Variants in DGKB observed in about 807,000 individuals in gnomAD.
DGKB encodes the protein diacylglycerol kinase beta.
Under a neutral mutation model 114.3 loss-of-function variants are expected in DGKB, and 67 were observed. The ratio of observed to expected loss-of-function variants is 0.59; its 90% CI spans 0.48 to 0.72. The LOEUF is 0.72. DGKB is among the 30% of genes least tolerant of loss of function. The pLI, the probability that DGKB is intolerant of heterozygous loss-of-function variation, is 0.00. For missense variants in DGKB, 907 were observed against 975.2 expected, an observed-to-expected ratio of 0.93 and a Z score of 0.93; for synonymous variants, 398 against 323.1, an observed-to-expected ratio of 1.23 and a Z score of -2.49.
At chr7:14,896,991 C>T (rs1782204416) in intron 1 of DGKB, among the ~76,000 whole-genome samples, 1 of 151,810 alleles carries the variant, frequency 6.6e-6, no homozygotes, top group Non-Finnish European at 1.5e-5. Context: ...CCAGCTGCCT[C>T]ACTGGGGGAA....
At chr7:14,905,396 A>G (rs1411951680), upstream of DGKB, among the ~76,000 whole-genome samples, 2 of 152,106 alleles carry the variant, frequency 1.3e-5, no homozygotes, top group African/African-American at 2.4e-5. Context: ...TCATAACTCA[A>G]GATTTTCCAT....
chr7:14,780,079 T>C (rs969432221), intron 2 of DGKB, among the ~76,000 whole-genome samples: 2 of 152,230 alleles, frequency 1.3e-5, no homozygotes, highest in Admixed American at 6.5e-5. Context: ...TGATCTATGC[T>C]GATTCTATGT....
At position 14,151,392 on chromosome 7, in the gene DGKB, A is replaced by C. The variant is rs183939247; in HGVS notation, c.2305-2154T>G. Among the ~76,000 whole-genome samples the C allele has an allele frequency of 2.2e-3, 336 of 151,904 alleles. 3 individuals are homozygous for C. The highest frequency in any genetic ancestry group is 7.6e-3 in the African/African-American group (315 of 41,478). On this transcript the variant is annotated intron_variant, in intron 25 of 25. Transcript: ENST00000402815. ...CACATAATTATTATCTATAAGACTTAGCTTCTTCTCTGTGTTTTTTTTTGG... is the reference window on the plus strand; with the variant it reads ...CACATAATTATTATCTATAAGACTTCGCTTCTTCTCTGTGTTTTTTTTTGG...
Position 14,537,923 on chromosome 7 carries a change from A to C in DGKB, c.1770+36289T>G, listed in dbSNP as rs181058147. Among the ~76,000 whole-genome samples the C allele has an allele frequency of 6.1e-3, 928 of 152,176 alleles. 40 individuals carry two copies. Among genetic ancestry groups the C allele is most frequent in the Admixed American group, 0.054 (823 of 15,278 alleles). Reference sequence around the variant, plus strand: ...TGGAGAAACCCCGTCTCTACTAATAATACAAAATTAGCCAGGCGTGGCGGC... The same window carrying C: ...TGGAGAAACCCCGTCTCTACTAATACTACAAAATTAGCCAGGCGTGGCGGC... On this transcript the variant is annotated intron_variant, in intron 20 of 25. Transcript: ENST00000402815.
At chr7:14,538,584 C>CA (rs955400015) in intron 20 of DGKB, among the ~76,000 whole-genome samples, 97 of 148,024 alleles carry the variant, frequency 6.6e-4, no homozygotes, top group South Asian at 1.7e-3. Flanking sequence ...AGAGATTCCT[C>CA]AAAAAAAAAA....
At chr7:14,595,006 C>G (rs900666502) in intron 17 of DGKB, among the ~76,000 whole-genome samples, 9 of 151,984 alleles carry the variant, frequency 5.9e-5, no homozygotes, top group Non-Finnish European at 1.3e-4. Flanking sequence ...ACTGAGAAGG[C>G]AGACAAGAAA....
intron 1 of DGKB, among the ~76,000 whole-genome samples, chr7:14,846,539 C>T (rs180756109): frequency 4.6e-5 from 7 of 152,310 alleles, no homozygotes; most frequent in Middle Eastern, 3.4e-3. Flanking sequence ...TTATAGTCCC[C>T]GCCTCTTCAT....
chr7:14,214,240 A>G (rs1788597085), intron 23 of DGKB, among the ~76,000 whole-genome samples: 1 of 152,102 alleles, frequency 6.6e-6, no homozygotes. Context: ...GCTCGGGATA[A>G]TCTTGTCTCT....
At chr7:14,635,547 G>A (rs1432204150) in intron 13 of DGKB, among the ~76,000 whole-genome samples, 1 of 151,386 alleles carries the variant, frequency 6.6e-6, no homozygotes, top group Non-Finnish European at 1.5e-5. Flanking sequence ...AGAAAGAGGG[G>A]AGCTGATATT....
chr7:14,742,544 G>T (rs1047300159), intron 4 of DGKB, among the ~76,000 whole-genome samples: 3 of 152,074 alleles, frequency 2.0e-5, no homozygotes, highest in Non-Finnish European at 4.4e-5. Flanking sequence ...TACTAGGTTC[G>T]CTAAATGTTT....
chr7:14,876,717 CTGATGCTACATA>C (rs1374555369), intron 1 of DGKB, among the ~76,000 whole-genome samples: 1 of 152,182 alleles, frequency 6.6e-6, no homozygotes, highest in African/African-American at 2.4e-5. Flanking sequence ...ACTCAATCAT[CTGATGCTACATA>C]TTGTCAATCA....
chr7:14,939,290 G>A (rs1446274725), intron 1 of DGKB, among the ~76,000 whole-genome samples: 3 of 152,030 alleles, frequency 2.0e-5, no homozygotes, highest in African/African-American at 4.8e-5. Flanking sequence ...AGAGTCTAGC[G>A]CATGCCAAGC....
intron 20 of DGKB, among the ~76,000 whole-genome samples, chr7:14,509,443 A>G (rs1787638910): frequency 6.6e-6 from 1 of 152,146 alleles, no homozygotes; most frequent in African/African-American, 2.4e-5. Flanking sequence ...GTATAATCAA[A>G]CATCTTGGCT....
At chr7:14,635,947 T>C (rs566377676) in intron 13 of DGKB, among the ~76,000 whole-genome samples, 5 of 151,824 alleles carry the variant, frequency 3.3e-5, no homozygotes, top group Admixed American at 2.0e-4. Flanking sequence ...CTATAGGTAA[T>C]GAAAGTATAT....
intron 21 of DGKB, among the ~76,000 whole-genome samples, chr7:14,440,626 C>T (rs1013230009): frequency 1.3e-5 from 2 of 152,168 alleles, no homozygotes; most frequent in South Asian, 4.1e-4. Context: ...TTTGCTAACA[C>T]AGTCTACTTA....
chr7:14,762,248 T>A (rs958387488), intron 2 of DGKB, among the ~76,000 whole-genome samples: 4 of 152,098 alleles, frequency 2.6e-5, no homozygotes, highest in South Asian at 4.1e-4. Context: ...AGAAAATGTT[T>A]ATGGGGAGAT....
chr7:14,191,430 C>G (rs549847486), intron 23 of DGKB: 1 of 168,394 alleles, frequency 5.9e-6, no homozygotes, highest in East Asian at 1.9e-4. Flanking sequence ...GATGGAAAAT[C>G]ACCTGTAAAG....
At chr7:14,615,331 T>A (rs562222667) in intron 15 of DGKB, among the ~76,000 whole-genome samples, 129 of 152,004 alleles carry the variant, frequency 8.5e-4, no homozygotes, top group African/African-American at 3.1e-3. Flanking sequence ...TCATGCTGAG[T>A]CCAATATATG....
intron 6 of DGKB, among the ~76,000 whole-genome samples, chr7:14,703,722 T>C (rs1825632703): frequency 6.6e-6 from 1 of 152,192 alleles, no homozygotes; most frequent in African/African-American, 2.4e-5. Context: ...CCCAATTTAA[T>C]ACTTCATTTG....
Sources: gnomAD v4.1 joint callset for allele counts (sites outside exome capture counted in the v4.1 genomes callset) on GRCh38, gnomAD v4.1.1 for gene constraint, MANE v1.5 for transcripts, NCBI Gene and HGNC (gene_info 2026-07-23, HGNC 2026-07-21) for gene names.